Variants in ATAD2B observed in about 807,000 individuals in gnomAD.
ATAD2B encodes ATPase family AAA domain containing 2B.
ATAD2B carries 40 observed loss-of-function variants against 167.6 expected under a neutral mutation model. That is an observed-to-expected ratio of 0.24 (90% CI 0.19 to 0.31). The LOEUF is 0.31. ATAD2B is among the 10% of genes least tolerant of loss of function. The probability of loss-of-function intolerance (pLI) is 1.00; values close to 1 mark genes in which losing one functional copy is unlikely to be tolerated. For synonymous variants in ATAD2B, 579 were observed against 596.5 expected, an observed-to-expected ratio of 0.97 and a Z score of 0.43; for missense variants, 1,242 against 1,757.2, an observed-to-expected ratio of 0.71 and a Z score of 5.24.
chr2:23,745,967 G>A (rs1259659632), downstream of ATAD2B, among the ~76,000 whole-genome samples: 2 of 152,194 alleles, frequency 1.3e-5, no homozygotes, highest in Admixed American at 1.3e-4. Context: ...TGATGACAGA[G>A]AACTGCCTGT....
At chr2:23,692,858 G>A in the ATAD2B span, among the ~76,000 whole-genome samples, 7 of 152,144 alleles carry the variant, frequency 4.6e-5, no homozygotes, top group South Asian at 4.1e-4. Flanking sequence ...TACTGCTAAC[G>A]AAGGAGTCTG....
At chr2:23,736,589 G>C in the ATAD2B span, among the ~76,000 whole-genome samples, 1 of 152,134 alleles carries the variant, frequency 6.6e-6, no homozygotes, top group Non-Finnish European at 1.5e-5. Flanking sequence ...AATAAGAACA[G>C]CTCCGGTCTA....
the ATAD2B span, chr2:23,697,954 G>T: frequency 6.6e-6 from 1 of 152,206 alleles, no homozygotes; most frequent in African/African-American, 2.4e-5. Flanking sequence ...ATTCTGTCTT[G>T]CTTTTGTCGG....
At chr2:23,881,555 G>A (rs377173679) in intron 6 of ATAD2B, among the ~76,000 whole-genome samples, 60 of 151,352 alleles carry the variant, frequency 4.0e-4, no homozygotes, top group African/African-American at 1.4e-3. Context: ...TAGAGATGGG[G>A]TTTCACCATA....
At chr2:23,924,767 A>AT (rs1558816606) in intron 1 of ATAD2B, among the ~76,000 whole-genome samples, 1 of 152,214 alleles carries the variant, frequency 6.6e-6, no homozygotes, top group African/African-American at 2.4e-5. Flanking sequence ...AAGAGCTCTC[A>AT]TATCTTTCAT....
intron 13 of ATAD2B, among the ~76,000 whole-genome samples, chr2:23,854,905 A>C (rs964034699): frequency 4.0e-5 from 6 of 151,886 alleles, no homozygotes; most frequent in Non-Finnish European, 8.8e-5. Context: ...ATTTCAAAAC[A>C]AAGACTGGGC....
At chr2:23,774,831 C>T (rs926692073) in intron 22 of ATAD2B, among the ~76,000 whole-genome samples, 3 of 152,152 alleles carry the variant, frequency 2.0e-5, no homozygotes, top group Non-Finnish European at 4.4e-5. Context: ...ACCCGGGAGG[C>T]GGGGATTGCA....
At chr2:23,733,719 T>G in the ATAD2B span, among the ~76,000 whole-genome samples, 1 of 152,052 alleles carries the variant, frequency 6.6e-6, no homozygotes, top group Admixed American at 6.6e-5. Context: ...TTCTTTACCC[T>G]CATCCCCAAC....
chr2:23,909,051 C>A (rs965302891), intron 1 of ATAD2B, among the ~76,000 whole-genome samples: 32 of 150,566 alleles, frequency 2.1e-4, no homozygotes, highest in African/African-American at 7.8e-4. Context: ...TTAGTGGGTG[C>A]AGCGCACCAG....
chr2:23,905,102 TA>T (rs1270716203), intron 1 of ATAD2B, among the ~76,000 whole-genome samples: 3 of 152,080 alleles, frequency 2.0e-5, no homozygotes, highest in Admixed American at 2.0e-4. Context: ...ACAGAAAGAT[TA>T]AAAAAGTCTA....
At chr2:23,913,640 GAA>G (rs1425105055) in intron 1 of ATAD2B, among the ~76,000 whole-genome samples, 1 of 94,800 alleles carries the variant, frequency 1.1e-5, no homozygotes. Context: ...ACTCTCTTGA[GAA>G]AAAAAAAAAA....
At chr2:23,722,547 T>C in the ATAD2B span, among the ~76,000 whole-genome samples, 37 of 151,734 alleles carry the variant, frequency 2.4e-4, no homozygotes, top group Middle Eastern at 3.4e-3. Context: ...TAAATAATAA[T>C]AAAGAACAAA....
intron 19 of ATAD2B, among the ~76,000 whole-genome samples, chr2:23,795,102 A>C (rs1682396605): frequency 3.3e-5 from 5 of 152,142 alleles, no homozygotes. Context: ...TCTGTGAATA[A>C]TGAGGTTTAT....
chr2:23,889,916 C>T (rs1699232130), intron 2 of ATAD2B, among the ~76,000 whole-genome samples: 1 of 150,530 alleles, frequency 6.6e-6, no homozygotes. Context: ...AAGGCTCCAT[C>T]TAAAAAACAA....
chr2:23,800,077 C>A (rs1165600802), intron 18 of ATAD2B: 2 of 115,464 alleles, frequency 1.7e-5, no homozygotes, highest in Admixed American at 1.1e-4. Flanking sequence ...GCAACTGAGG[C>A]ACTTATTTAA....
chr2:23,807,351 CCAAT>C (rs1402619498), intron 18 of ATAD2B, among the ~76,000 whole-genome samples: 4 of 152,002 alleles, frequency 2.6e-5, no homozygotes, highest in Non-Finnish European at 2.9e-5. Flanking sequence ...TTTTAACTGC[CCAAT>C]CAAATACATT....
the ATAD2B span, among the ~76,000 whole-genome samples, chr2:23,688,137 G>A: frequency 1.3e-5 from 2 of 152,172 alleles, no homozygotes; most frequent in African/African-American, 4.8e-5. Context: ...TCTCATCTTG[G>A]ATGCTGGCAC....
the ATAD2B span, among the ~76,000 whole-genome samples, chr2:23,711,338 CTTTCTTTTTTTTTTTT>C: frequency 4.4e-5 from 2 of 45,636 alleles, no homozygotes; most frequent in South Asian, 8.1e-4. Context: ...CACAGAATTT[CTTTCTTTTTTTTTTTT>C]TTTTTTTTTT....
the ATAD2B span, among the ~76,000 whole-genome samples, chr2:23,738,232 C>A: frequency 2.0e-5 from 3 of 152,138 alleles, no homozygotes; most frequent in African/African-American, 7.2e-5. Flanking sequence ...AGAGCAACTC[C>A]AAGACACATA....
Sources: allele counts gnomAD v4.1 joint callset (sites outside exome capture counted in the v4.1 genomes callset), GRCh38; gene constraint gnomAD v4.1.1; transcripts MANE v1.5; gene names NCBI Gene and HGNC (gene_info 2026-07-23, HGNC 2026-07-21).